NKAIN3: variants seen among roughly 807,000 people sequenced by gnomAD.
NKAIN3 encodes the protein sodium/potassium transporting ATPase interacting 3.
Under a neutral mutation model 30.2 loss-of-function variants are expected in NKAIN3, and 25 were observed. The observed-to-expected ratio is 0.83, with a 90% confidence interval of 0.60 to 1.16. The LOEUF (loss-of-function observed/expected upper bound fraction) is 1.16. NKAIN3 is among the 50% of genes most tolerant of loss of function. The pLI is 0.00. For missense variants in NKAIN3, 225 were observed against 254.1 expected, an observed-to-expected ratio of 0.89 and a Z score of 0.78; for synonymous variants, 91 against 89.6, an observed-to-expected ratio of 1.02 and a Z score of -0.09.
At chr8:62,513,743 C>T (rs1360825787) in intron 1 of NKAIN3, among the ~76,000 whole-genome samples, 1 of 150,492 alleles carries the variant, frequency 6.6e-6, no homozygotes, top group Non-Finnish European at 1.5e-5. Context: ...TGGTGGCGCA[C>T]ACATGTAGTC....
At chr8:62,764,610 G>A (rs1034456944) in intron 4 of NKAIN3, among the ~76,000 whole-genome samples, 5 of 152,062 alleles carry the variant, frequency 3.3e-5, no homozygotes, top group African/African-American at 7.2e-5. Context: ...AACTACAAGC[G>A]TGTGCCACCA....
chr8:62,448,763 T>C (rs915031162), intron 1 of NKAIN3, among the ~76,000 whole-genome samples: 2 of 151,958 alleles, frequency 1.3e-5, no homozygotes. Flanking sequence ...TAAAGAGTCA[T>C]TGAGCTTAAG....
intron 4 of NKAIN3, among the ~76,000 whole-genome samples, chr8:62,773,939 CT>C (rs1465233838): frequency 6.6e-6 from 1 of 152,104 alleles, no homozygotes; most frequent in Non-Finnish European, 1.5e-5. Flanking sequence ...TTCTATTGCT[CT>C]GAAGAATGTC....
chr8:62,717,027 A>G (rs557106710), intron 3 of NKAIN3, among the ~76,000 whole-genome samples: 10 of 152,364 alleles, frequency 6.6e-5, no homozygotes, highest in Non-Finnish European at 1.2e-4. Flanking sequence ...AGCTACATCA[A>G]TGACTGAATT....
chr8:62,337,819 G>T (rs2129590632), intron 1 of NKAIN3, among the ~76,000 whole-genome samples: 1 of 152,072 alleles, frequency 6.6e-6, no homozygotes, highest in South Asian at 2.1e-4. Context: ...ATTGTCCACT[G>T]AATTAATTTC....
At chr8:62,566,445 A>ATGAG (rs1406328116) in intron 1 of NKAIN3, among the ~76,000 whole-genome samples, 1 of 151,042 alleles carries the variant, frequency 6.6e-6, no homozygotes, top group Admixed American at 6.6e-5. Context: ...TAATAAATGA[A>ATGAG]TGAGTGAACT....
intron 4 of NKAIN3, among the ~76,000 whole-genome samples, chr8:62,804,108 G>A (rs757074264): frequency 2.6e-5 from 4 of 152,158 alleles, no homozygotes; most frequent in African/African-American, 9.7e-5. Context: ...CTCTGAAATT[G>A]TGGCAATAAT....
At chr8:62,805,246 A>G (rs548489216) in intron 4 of NKAIN3, among the ~76,000 whole-genome samples, 30 of 151,998 alleles carry the variant, frequency 2.0e-4, no homozygotes, top group Non-Finnish European at 4.1e-4. Flanking sequence ...TTAGAGATTC[A>G]ATGCCATCCC....
At chr8:62,835,242 A>C (rs528771134) in intron 4 of NKAIN3, among the ~76,000 whole-genome samples, 1 of 152,148 alleles carries the variant, frequency 6.6e-6, no homozygotes, top group African/African-American at 2.4e-5. Flanking sequence ...AGGAAATACC[A>C]TTCTGGACAT....
At chr8:62,377,320 AG>A (rs1817119546) in intron 1 of NKAIN3, among the ~76,000 whole-genome samples, 1 of 152,146 alleles carries the variant, frequency 6.6e-6, no homozygotes, top group Non-Finnish European at 1.5e-5. Flanking sequence ...TTCAAATAAA[AG>A]CTCCAAAATT....
Position 62,983,995 on chromosome 8 carries a change from T to C in NKAIN3, c.*18588T>C, listed in dbSNP as rs369036900. On this transcript the variant is annotated 3_prime_UTR_variant, in exon 7 of 7. Coordinates refer to ENST00000623646, the MANE Select transcript of NKAIN3 (RefSeq NM_001304533.3). Reference sequence around the variant, plus strand: ...GCAACTAAAGGAACTCAGTAAAAGATCAAAAGCAATGCTCAAAGGGAGTGC... The same window carrying C: ...GCAACTAAAGGAACTCAGTAAAAGACCAAAAGCAATGCTCAAAGGGAGTGC... The C allele has an allele frequency of 1.5e-4, 23 of 152,314 alleles. 1 individual carries two copies. The highest frequency in any genetic ancestry group is 5.5e-4 in the African/African-American group (23 of 41,576). 9.4% of individuals were successfully genotyped at this position (152,314 alleles called of 1,614,324 possible).
intron 3 of NKAIN3, among the ~76,000 whole-genome samples, chr8:62,627,864 A>G (rs1209190976): frequency 1.3e-5 from 2 of 152,090 alleles, no homozygotes; most frequent in Non-Finnish European, 2.9e-5. Context: ...ATGTGCCCTT[A>G]AACAAGTTCC....
chr8:62,401,839 A>C (rs899899466), intron 1 of NKAIN3, among the ~76,000 whole-genome samples: 1 of 152,198 alleles, frequency 6.6e-6, no homozygotes, highest in Non-Finnish European at 1.5e-5. Flanking sequence ...CGGTGACACC[A>C]TCATGGGGAC....
At chr8:62,922,327 T>C (rs989107731) in intron 5 of NKAIN3, among the ~76,000 whole-genome samples, 1 of 152,202 alleles carries the variant, frequency 6.6e-6, no homozygotes, top group Non-Finnish European at 1.5e-5. Flanking sequence ...GATATTTCCA[T>C]AGCATTGGTG....
At chr8:62,499,940 T>A (rs573049683) in intron 1 of NKAIN3, among the ~76,000 whole-genome samples, 1 of 152,198 alleles carries the variant, frequency 6.6e-6, no homozygotes, top group East Asian at 1.9e-4. Flanking sequence ...TTATGTCTGG[T>A]CATGGTTGAA....
chr8:62,844,369 A>G (rs1265545355), intron 4 of NKAIN3, among the ~76,000 whole-genome samples: 4 of 152,166 alleles, frequency 2.6e-5, no homozygotes, highest in Non-Finnish European at 5.9e-5. Context: ...TTGTGTACAC[A>G]TGTCCAACCA....
chr8:62,497,435 T>A (rs1048271359), intron 1 of NKAIN3, among the ~76,000 whole-genome samples: 12 of 151,554 alleles, frequency 7.9e-5, no homozygotes, highest in African/African-American at 2.9e-4. Flanking sequence ...ATAACCTATT[T>A]TTTTTTTTAT....
chr8:62,941,043 AT>A (rs776229252), intron 5 of NKAIN3, among the ~76,000 whole-genome samples: 8 of 152,066 alleles, frequency 5.3e-5, no homozygotes, highest in Non-Finnish European at 7.4e-5. Context: ...GAGAATCCAA[AT>A]AAGCTCAATT....
chr8:62,764,800 A>C (rs1195435480), intron 4 of NKAIN3, among the ~76,000 whole-genome samples: 1 of 152,236 alleles, frequency 6.6e-6, no homozygotes, highest in African/African-American at 2.4e-5. Flanking sequence ...CATGAGATTT[A>C]TGTGTCCTAC....
Sources: gnomAD v4.1 joint callset for allele counts (sites outside exome capture counted in the v4.1 genomes callset) on GRCh38, gnomAD v4.1.1 for gene constraint, MANE v1.5 for transcripts, NCBI Gene and HGNC (gene_info 2026-07-23, HGNC 2026-07-21) for gene names.